Variants in P2RX3 observed in about 807,000 individuals in gnomAD.
P2RX3 encodes the protein P2X purinoceptor 3.
Under a neutral mutation model 51.5 loss-of-function variants are expected in P2RX3, and 41 were observed. The observed-to-expected ratio is 0.80, with a 90% CI of 0.62 to 1.03. The LOEUF (loss-of-function observed/expected upper bound fraction) is 1.03. P2RX3 is among the 50% of genes least tolerant of loss of function. The pLI is 0.00. For missense variants in P2RX3, 459 were observed against 522.1 expected (o/e 0.88, Z 1.18); for synonymous variants, 185 against 191.6 (o/e 0.97, Z 0.29).
At chr11:57,346,876 T>C (rs942744681) in intron 2 of P2RX3, among the ~76,000 whole-genome samples, 197 bp downstream of exon 2, 3 of 152,206 alleles carry the variant, frequency 2.0e-5, no homozygotes, top group Non-Finnish European at 2.9e-5. Context: ...GAAAGCTGGG[T>C]TCCTCTCCAG....
chr11:57,352,932 C>T (rs1025576626), intron 8 of P2RX3, among the ~76,000 whole-genome samples: 1 of 152,148 alleles, frequency 6.6e-6, no homozygotes, highest in African/African-American at 2.4e-5. Context: ...TAGTTTGACC[C>T]TTGTGATTTA....
chr11:57,369,509 G>T, intron 11 of P2RX3, 71 bp downstream of exon 11: 2 of 1,444,034 alleles, frequency 1.4e-6, no homozygotes, highest in Non-Finnish European at 9.4e-7. Context: ...GGGACTCTCA[G>T]TGGCTCCCCT....
chr11:57,368,482 G>C, intron 10 of P2RX3, 45 bp downstream of exon 10: 1 of 1,601,770 alleles, frequency 6.2e-7, no homozygotes, highest in Non-Finnish European at 8.6e-7. Flanking sequence ...TCAGAGTGGG[G>C]CCCGGACTGG....
chr11:57,349,833 C>A lies in P2RX3; in HGVS notation c.640C>A (p.Pro214Thr). The A allele has an allele frequency of 4.3e-6, 7 of 1,614,222 alleles. No individual in the cohort carries two copies. Among genetic ancestry groups the A allele is most frequent in the Non-Finnish European group, 5.9e-6 (7 of 1,180,046 alleles). The change falls in exon 7 of 12, where the codon CCC (proline) becomes ACC (threonine). Residue 214 changes from proline (P) to threonine (T), a missense_variant. Transcript: ENST00000263314. Reference sequence around the variant, plus strand: ...CCACCCGGACAAGGACCCTTTCTGCCCCATCTTGCGGGTAGGGGACGTGGT... The same window carrying A: ...CCACCCGGACAAGGACCCTTTCTGCACCATCTTGCGGGTAGGGGACGTGGT... Reference protein sequence around the residue: ...RFHPDKDPFCPILRVGDVVKF... With the variant: ...RFHPDKDPFCTILRVGDVVKF...
At chr11:57,349,110 T>C (rs1279507024) in intron 6 of P2RX3, among the ~76,000 whole-genome samples, 2 of 152,162 alleles carry the variant, frequency 1.3e-5, no homozygotes, top group Admixed American at 1.3e-4. Flanking sequence ...ATTGACTTAC[T>C]CATTCCACAG....
At chr11:57,359,508 C>T (rs1856683577) in intron 8 of P2RX3, among the ~76,000 whole-genome samples, 1 of 152,240 alleles carries the variant, frequency 6.6e-6, no homozygotes, top group African/African-American at 2.4e-5. Flanking sequence ...ACCCTGAAAA[C>T]TCTGGCCCTG....
chr11:57,360,200 G>A (rs1205574260), intron 8 of P2RX3, among the ~76,000 whole-genome samples: 3 of 152,070 alleles, frequency 2.0e-5, no homozygotes, highest in African/African-American at 7.2e-5. Flanking sequence ...ACTCTTTCCC[G>A]CATTGCCCCT....
chr11:57,365,871 G>T (rs1273374801), intron 8 of P2RX3, among the ~76,000 whole-genome samples: 1 of 152,182 alleles, frequency 6.6e-6, no homozygotes, highest in African/African-American at 2.4e-5. Context: ...ATTCACTGGG[G>T]CTGAGCATTT....
chr11:57,336,797 A>G (rs78884919), upstream of P2RX3, among the ~76,000 whole-genome samples: 2 of 152,224 alleles, frequency 1.3e-5, no homozygotes, highest in African/African-American at 4.8e-5. Context: ...GACAATCAAT[A>G]CACCAGCTTG....
rs745879638 is a variant in P2RX3, at chr11:57,350,816, G to A, written c.760G>A (p.Asp254Asn). The change falls in exon 8 of 12, where the codon GAC (aspartate) becomes AAC (asparagine). Residue 254 changes from aspartate (D) to asparagine (N), a missense_variant. By Grantham distance (23) the Asp-to-Asn change is conservative. Coordinates refer to ENST00000263314, the MANE Select transcript of P2RX3 (RefSeq NM_002559.5). ...GGTGTGCGACTTGGACAAGGCCTGGGACCAGTGCATCCCCAAATACTCCTT... is the reference window on the plus strand; with the variant it reads ...GGTGTGCGACTTGGACAAGGCCTGGAACCAGTGCATCCCCAAATACTCCTT... ...GWVCDLDKAW[D>N]QCIPKYSFTR... is the part of the protein sequence containing the mutation. The A allele has an allele frequency of 1.2e-6, 2 of 1,613,952 alleles. No homozygotes were observed. The highest frequency in any genetic ancestry group is 8.5e-7 in the Non-Finnish European group (1 of 1,180,024).
chr11:57,352,622 T>C (rs370857186), intron 8 of P2RX3, among the ~76,000 whole-genome samples: 131 of 152,300 alleles, frequency 8.6e-4, no homozygotes, highest in Middle Eastern at 3.4e-3. Context: ...ACTACTGATA[T>C]CGTACAGTTT....
intron 7 of P2RX3, chr11:57,350,518 G>C (rs1856526029): frequency 2.3e-6 from 1 of 437,610 alleles, no homozygotes; most frequent in South Asian, 2.9e-5. Flanking sequence ...TCCTGACCTC[G>C]TGATCCGCCC....
chr11:57,348,800 C>T (rs1290848174), intron 6 of P2RX3, 96 bp downstream of exon 6: 3 of 866,388 alleles, frequency 3.5e-6, no homozygotes, highest in Non-Finnish European at 5.5e-6. Flanking sequence ...CGCCACAGTT[C>T]TTCCCACTTT....
intron 8 of P2RX3, among the ~76,000 whole-genome samples, chr11:57,355,699 C>T (rs1003047005): frequency 2.4e-4 from 37 of 152,204 alleles, no homozygotes; most frequent in African/African-American, 8.9e-4. Context: ...TAAATCCAAC[C>T]AATACTGATA....
chr11:57,366,642 T>A (rs1369570224), intron 8 of P2RX3, among the ~76,000 whole-genome samples: 2 of 152,110 alleles, frequency 1.3e-5, no homozygotes, highest in African/African-American at 4.8e-5. Flanking sequence ...AATACCTGAA[T>A]CTGGGTAATT....
chr11:57,343,235 C>T (rs1856374020), intron 1 of P2RX3, among the ~76,000 whole-genome samples: 1 of 152,172 alleles, frequency 6.6e-6, no homozygotes, highest in Admixed American at 6.5e-5. Flanking sequence ...CCACTGGGCA[C>T]AAGAAGGAGC....
Position 57,368,031 on chromosome 11 carries a change from G to C in P2RX3, c.865G>C (p.Glu289Gln), listed in dbSNP as rs1227161427. 1 of 1,614,058 alleles carries C rather than the reference G, an allele frequency of 6.2e-7. No individual in the cohort carries two copies. The highest frequency in any genetic ancestry group is 8.5e-7 in the Non-Finnish European group (1 of 1,180,042). ...NFRFAKYYKMENGSEYRTLLK... is the reference protein window; with the variant it reads ...NFRFAKYYKMQNGSEYRTLLK... The stretch of plus-strand genomic sequence containing the variant: ...CAGGTTTGCCAAGTACTACAAAATG[G>C]AAAATGGCAGTGAGTACCGCACCCT... The change falls in exon 9 of 12, where the codon GAA becomes CAA. Residue 289 changes from glutamate to glutamine, a missense_variant. Glu to Gln is a conservative substitution (Grantham distance 29, BLOSUM62 2). Coordinates refer to ENST00000263314, the MANE Select transcript of P2RX3 (RefSeq NM_002559.5).
intron 8 of P2RX3, among the ~76,000 whole-genome samples, chr11:57,362,534 C>A (rs940009302): frequency 6.6e-6 from 1 of 152,294 alleles, no homozygotes; most frequent in East Asian, 1.9e-4. Flanking sequence ...CAGCCAGTGA[C>A]TCTGGGTATG....
intron 10 of P2RX3, 71 bp downstream of exon 10, chr11:57,368,508 G>A (rs1389807478): frequency 1.9e-6 from 3 of 1,552,412 alleles, no homozygotes; most frequent in African/African-American, 2.7e-5. Flanking sequence ...GCAGGCAGGG[G>A]AGTGACGGCG....
Sources: allele counts gnomAD v4.1 joint callset (sites outside exome capture counted in the v4.1 genomes callset), GRCh38; gene constraint gnomAD v4.1.1; transcripts MANE v1.5; gene names NCBI Gene and HGNC (gene_info 2026-07-23, HGNC 2026-07-21).